RBFOX1: variants seen among roughly 807,000 people sequenced by gnomAD.
The protein encoded by RBFOX1 is RNA binding fox-1 homolog 1, also known as RNA binding protein fox-1 homolog 1.
RBFOX1 carries 8 observed loss-of-function variants against 57.7 expected under a neutral mutation model. The observed-to-expected ratio is 0.14, with a 90% CI of 0.08 to 0.25. RBFOX1 has a LOEUF of 0.25. Ranked by LOEUF, RBFOX1 falls within the 10% of genes least tolerant of loss-of-function variation. The pLI is 1.00. For synonymous variants in RBFOX1, 326 were observed against 222.4 expected (o/e 1.47, Z -4.15); for missense variants, 611 against 548.5 (o/e 1.11, Z -1.14).
At chr16:5,845,778 G>T (rs1413851135) in intron 3 of RBFOX1, among the ~76,000 whole-genome samples, 2 of 152,180 alleles carry the variant, frequency 1.3e-5, no homozygotes, top group African/African-American at 2.4e-5. Flanking sequence ...GGATGGCACA[G>T]ATAGAGCCCA....
At chr16:5,355,488 C>A (rs9928939) in intron 1 of RBFOX1, among the ~76,000 whole-genome samples, 2 of 152,072 alleles carry the variant, frequency 1.3e-5, no homozygotes, top group African/African-American at 4.8e-5. Flanking sequence ...GCTCAAGGCC[C>A]GGGGCCTGAG....
At chr16:5,880,183 G>A (rs572791168) in intron 4 of RBFOX1, among the ~76,000 whole-genome samples, 27 of 152,186 alleles carry the variant, frequency 1.8e-4, no homozygotes, top group East Asian at 1.4e-3. Flanking sequence ...CAGTCTTTCC[G>A]TTCCAAACAA....
intron 4 of RBFOX1, among the ~76,000 whole-genome samples, chr16:5,997,574 A>C (rs965070294): frequency 4.6e-5 from 7 of 152,216 alleles, no homozygotes; most frequent in African/African-American, 1.7e-4. Context: ...AGAATCACCA[A>C]ATCTCTAGAG....
chr16:6,679,228 T>C (rs1230343922), intron 3 of RBFOX1, among the ~76,000 whole-genome samples: 1 of 152,030 alleles, frequency 6.6e-6, no homozygotes, highest in Non-Finnish European at 1.5e-5. Flanking sequence ...GACGATGACA[T>C]GAAATCGCGT....
intron 3 of RBFOX1, among the ~76,000 whole-genome samples, chr16:6,771,213 C>T (rs1437116655): frequency 6.6e-6 from 1 of 152,184 alleles, no homozygotes; most frequent in East Asian, 1.9e-4. Context: ...ACACTGCAAA[C>T]ACCTTAGTCT....
At chr16:7,551,235 A>G (rs2086380524) in intron 5 of RBFOX1, among the ~76,000 whole-genome samples, 1 of 152,248 alleles carries the variant, frequency 6.6e-6, no homozygotes, top group South Asian at 2.1e-4. Flanking sequence ...AATTTTTTCC[A>G]TGCAACCAAC....
At chr16:7,539,253 G>C (rs1389023282) in intron 5 of RBFOX1, among the ~76,000 whole-genome samples, 3 of 152,142 alleles carry the variant, frequency 2.0e-5, no homozygotes, top group African/African-American at 7.2e-5. Context: ...TGAGATCAGG[G>C]AAGCCTTCTC....
chr16:5,905,137 G>C (rs1332297153), intron 4 of RBFOX1, among the ~76,000 whole-genome samples: 1 of 127,720 alleles, frequency 7.8e-6, no homozygotes, highest in African/African-American at 3.0e-5. Flanking sequence ...GTACAATCTT[G>C]GCTCACTGCA....
At chr16:5,926,837 A>G (rs1320129173) in intron 4 of RBFOX1, among the ~76,000 whole-genome samples, 1 of 152,186 alleles carries the variant, frequency 6.6e-6, no homozygotes, top group Non-Finnish European at 1.5e-5. Context: ...CTTTCCTCCT[A>G]CATTCTCAGC....
At position 7,427,413 on chromosome 16, in the gene RBFOX1, G is replaced by C. The variant is rs1287289723; in HGVS notation, c.28-90734G>C. On this transcript the variant is annotated intron_variant, in intron 4 of 15. Coordinates refer to ENST00000550418, the MANE Select transcript of RBFOX1 (RefSeq NM_018723.4). ...AAGTTTGAGAGCCCCTGCTGAAGTT[G>C]GACAGGCTTGGTTTTGCAAAAATGC... 4.6e-5 allele frequency among the ~76,000 whole-genome samples: 7 copies of C among 152,210 alleles called. No individual in the cohort carries two copies. The East Asian group carries it at 1.2e-3, about 25-fold the overall frequency.
intron 4 of RBFOX1, among the ~76,000 whole-genome samples, chr16:7,317,496 C>G (rs569168591): frequency 2.0e-5 from 3 of 152,138 alleles, no homozygotes; most frequent in African/African-American, 7.2e-5. Flanking sequence ...GCCATTAGGA[C>G]CATCACCATC....
rs545839112 is a variant in RBFOX1, at chr16:7,069,086, C to T, written c.27+16988C>T. On this transcript the variant is annotated intron_variant, in intron 4 of 15. Transcript: ENST00000550418. ...TCTAGGAGATGTCTGTAGCAGATGG[C>T]ATCAGATCCCTGACATTATTTTATC... Among the ~76,000 whole-genome samples, 28 of 152,308 alleles carry T rather than the reference C, an allele frequency of 1.8e-4. No individual in the cohort carries two copies. In the East Asian group the frequency reaches 5.0e-3, roughly 27 times the overall value.
intron 3 of RBFOX1, among the ~76,000 whole-genome samples, chr16:6,750,608 T>C (rs1366034268): frequency 1.3e-5 from 2 of 152,208 alleles, no homozygotes; most frequent in African/African-American, 4.8e-5. Context: ...ATCAGAGATA[T>C]TTTGAAAGAA....
At chr16:6,376,895 T>C (rs1399830927) in intron 2 of RBFOX1, among the ~76,000 whole-genome samples, 1 of 152,136 alleles carries the variant, frequency 6.6e-6, no homozygotes, top group African/African-American at 2.4e-5. Flanking sequence ...CTTCGAGATG[T>C]GTCACTCCAA....
chr16:5,913,787 G>A (rs1348150327), intron 4 of RBFOX1, among the ~76,000 whole-genome samples: 1 of 152,186 alleles, frequency 6.6e-6, no homozygotes, highest in African/African-American at 2.4e-5. Flanking sequence ...TCTGGCCTTT[G>A]TTAAAGGTTT....
intron 4 of RBFOX1, among the ~76,000 whole-genome samples, chr16:7,394,259 A>G (rs2098101546): frequency 6.6e-6 from 1 of 150,684 alleles, no homozygotes; most frequent in African/African-American, 2.4e-5. Context: ...AAAAAAAAAA[A>G]AAAAAGAGAG....
chr16:6,511,802 C>G (rs975018887), intron 2 of RBFOX1, among the ~76,000 whole-genome samples: 4 of 152,168 alleles, frequency 2.6e-5, no homozygotes, highest in African/African-American at 9.7e-5. Context: ...AGTGGCTTTC[C>G]TCTTTGTAGA....
At chr16:5,726,724 G>A (rs560974389) in intron 3 of RBFOX1, among the ~76,000 whole-genome samples, 7 of 152,332 alleles carry the variant, frequency 4.6e-5, no homozygotes, top group Admixed American at 6.5e-5. Flanking sequence ...GAACAATAAT[G>A]TAATCATTGC....
chr16:6,152,506 T>C (rs943875651), intron 1 of RBFOX1, among the ~76,000 whole-genome samples: 3 of 152,340 alleles, frequency 2.0e-5, no homozygotes, highest in Admixed American at 6.5e-5. Flanking sequence ...TCAGCTCAAG[T>C]TGGGGTCAGA....
Sources: gnomAD v4.1 joint callset for allele counts (sites outside exome capture counted in the v4.1 genomes callset) on GRCh38, gnomAD v4.1.1 for gene constraint, MANE v1.5 for transcripts, NCBI Gene and HGNC (gene_info 2026-07-23, HGNC 2026-07-21) for gene names.